IL16: variants seen among roughly 807,000 people sequenced by gnomAD.
IL16 encodes the protein pro-interleukin-16.
A neutral mutation model predicts 110.1 loss-of-function variants in IL16; 67 were observed. That is an observed-to-expected ratio of 0.61 (90% confidence interval 0.50 to 0.75). The LOEUF (loss-of-function observed/expected upper bound fraction) is 0.75, where lower values mean the gene tolerates loss of function less well. Ranked by LOEUF, IL16 falls within the 30% of genes least tolerant of loss-of-function variation. The pLI is 0.00. For synonymous variants in IL16, 689 were observed against 662.9 expected, an observed-to-expected ratio of 1.04 and a Z score of -0.61; for missense variants, 1,545 against 1,655.0, an observed-to-expected ratio of 0.93 and a Z score of 1.15.
intron 1 of IL16, among the ~76,000 whole-genome samples, chr15:81,190,149 A>G (rs1009921807): frequency 3.3e-5 from 5 of 152,146 alleles, no homozygotes; most frequent in African/African-American, 9.7e-5. Context: ...CCCAAACTGA[A>G]CACATGGTTC....
chr15:81,287,265 G>A (rs1468797305), intron 10 of IL16, among the ~76,000 whole-genome samples: 2 of 152,186 alleles, frequency 1.3e-5, no homozygotes, highest in Admixed American at 1.3e-4. Context: ...AGAGAGAAGA[G>A]GAAAAGGTAG....
intron 4 of IL16, among the ~76,000 whole-genome samples, chr15:81,266,836 A>G (rs961457017): frequency 1.3e-5 from 2 of 152,208 alleles, no homozygotes; most frequent in African/African-American, 4.8e-5. Flanking sequence ...TCATCTCACC[A>G]ACTGACTCTC....
At chr15:81,243,163 A>AT (rs1219851899) in intron 2 of IL16, among the ~76,000 whole-genome samples, 1,715 of 15,124 alleles carry the variant, frequency 0.11, 630 homozygotes, top group Non-Finnish European at 0.17. Context: ...ATATATATAT[A>AT]TTTTTTTTTT....
intron 1 of IL16, among the ~76,000 whole-genome samples, chr15:81,201,743 TC>T (rs1895822579): frequency 6.6e-6 from 1 of 152,212 alleles, no homozygotes; most frequent in Non-Finnish European, 1.5e-5. Flanking sequence ...TGTAGAGTAA[TC>T]AGTTTTTACC....
rs1023934142 is a variant in IL16, at chr15:81,269,441, G to T, written c.565-97G>T. On this transcript the variant is annotated intron_variant, in intron 4 of 18. Coordinates refer to ENST00000683961, the MANE Select transcript of IL16 (RefSeq NM_172217.5). Reference sequence around the variant, plus strand: ...CCTGCCCTTAGGAGAAAGAGGACTTGGTTCCTCTCTTTGGCTGGGCTTTTC... The same window carrying T: ...CCTGCCCTTAGGAGAAAGAGGACTTTGTTCCTCTCTTTGGCTGGGCTTTTC... The T allele has an allele frequency of 3.4e-5, 27 of 798,842 alleles. 1 individual carries two copies. In the South Asian group the frequency reaches 3.9e-4, roughly 11 times the overall value. 49.5% of individuals were successfully genotyped at this position (798,842 alleles called of 1,614,324 possible).
At chr15:81,243,900 C>G (rs1005270794) in intron 2 of IL16, among the ~76,000 whole-genome samples, 2 of 152,052 alleles carry the variant, frequency 1.3e-5, no homozygotes, top group Non-Finnish European at 2.9e-5. Flanking sequence ...GTGATAGCTT[C>G]TCTTTTATTT....
At chr15:81,191,902 G>T (rs1043645061), upstream of IL16, among the ~76,000 whole-genome samples, 1 of 152,198 alleles carries the variant, frequency 6.6e-6, no homozygotes, top group Admixed American at 6.5e-5. Context: ...GATAAACAAG[G>T]GTGAGATCAT....
rs1327852858 is a variant in IL16 at position 81,312,348 on chromosome 15, C to T, written c.*3550C>T. The T allele has an allele frequency of 6.6e-6, 1 of 152,248 alleles. No individual in the cohort carries two copies. Among genetic ancestry groups the T allele is most frequent in the African/African-American group, 2.4e-5 (1 of 41,454 alleles). The allele number at this position is 152,248 out of a possible 1,614,324, so 9.4% of individuals were successfully genotyped here. A position where few individuals can be genotyped will look rare whatever the true frequency, so the allele number is the denominator to read the frequency against. ...CCAGCCAGGGCTGCTAGACGGAGGC[C>T]TACTCTTCCATCTTTCCTGATGGCA... On this transcript the variant is annotated 3_prime_UTR_variant, in exon 19 of 19. Coordinates refer to ENST00000683961, the MANE Select transcript of IL16 (RefSeq NM_172217.5).
At chr15:81,218,543 C>G (rs1431777875) in intron 1 of IL16, among the ~76,000 whole-genome samples, 1 of 152,088 alleles carries the variant, frequency 6.6e-6, no homozygotes, top group Non-Finnish European at 1.5e-5. Context: ...TTTGTTCCTG[C>G]AAATAGCAAA....
At chr15:81,276,715 T>C (rs970984442) in intron 6 of IL16, among the ~76,000 whole-genome samples, 1 of 152,164 alleles carries the variant, frequency 6.6e-6, no homozygotes, top group Non-Finnish European at 1.5e-5. Context: ...GAAATTAATA[T>C]GAAAACTAGT....
intron 2 of IL16, among the ~76,000 whole-genome samples, chr15:81,238,717 C>T (rs1008097483): frequency 6.6e-6 from 1 of 151,512 alleles, no homozygotes; most frequent in Non-Finnish European, 1.5e-5. Flanking sequence ...TCATTCTATT[C>T]TTCTTCTTTC....
At chr15:81,224,542 T>C (rs991801341) in intron 1 of IL16, among the ~76,000 whole-genome samples, 6 of 152,208 alleles carry the variant, frequency 3.9e-5, no homozygotes, top group Admixed American at 6.5e-5. Flanking sequence ...GGCCTGACTG[T>C]GACTCTGGCC....
At chr15:81,212,435 G>T (rs1164206694) in intron 1 of IL16, among the ~76,000 whole-genome samples, 5 of 151,830 alleles carry the variant, frequency 3.3e-5, no homozygotes, top group African/African-American at 1.2e-4. Context: ...TGTAAGTCAA[G>T]ATTTTTTTTA....
chr15:81,230,323 T>C (rs1028355582), intron 2 of IL16, among the ~76,000 whole-genome samples: 3 of 152,156 alleles, frequency 2.0e-5, no homozygotes, highest in Non-Finnish European at 4.4e-5. Flanking sequence ...TAAATGCCCT[T>C]TAAGTAGGAT....
intron 3 of IL16, among the ~76,000 whole-genome samples, chr15:81,261,997 T>C (rs1596005625): frequency 6.6e-6 from 1 of 152,052 alleles, no homozygotes; most frequent in Non-Finnish European, 1.5e-5. Flanking sequence ...GCCTGGGAGG[T>C]TGAGGCTGCA....
Position 81,259,911 on chromosome 15 carries a change from C to T in IL16, c.421+31C>T, listed in dbSNP as rs768585069. 3 of 1,341,582 alleles carry T rather than the reference C, an allele frequency of 2.2e-6. No individual in the cohort carries two copies. The Admixed American group carries it at 5.0e-5, about 23-fold the overall frequency. 83.1% of individuals were successfully genotyped at this position (1,341,582 alleles called of 1,614,324 possible). A position where few individuals can be genotyped will look rare whatever the true frequency, so the allele number is the denominator to read the frequency against. On this transcript the variant is annotated intron_variant, in intron 3 of 18. Coordinates refer to ENST00000683961, the MANE Select transcript of IL16 (RefSeq NM_172217.5). ...TGTCTTCCCAACATGTCTTCAGGAA[C>T]AGAGCTCAGCTGTTCCTGGATAGCA...
intron 1 of IL16, among the ~76,000 whole-genome samples, chr15:81,213,584 G>T (rs904455936): frequency 6.6e-6 from 1 of 152,122 alleles, no homozygotes; most frequent in African/African-American, 2.4e-5. Context: ...GTTGGGTGCA[G>T]TATATATTTA....
At chr15:81,263,939 C>T (rs1898264144) in intron 3 of IL16, among the ~76,000 whole-genome samples, 1 of 152,114 alleles carries the variant, frequency 6.6e-6, no homozygotes, top group African/African-American at 2.4e-5. Context: ...AGGAGTAACT[C>T]CAGCAGGGTT....
intron 1 of IL16, among the ~76,000 whole-genome samples, chr15:81,214,410 G>T (rs1421283809): frequency 2.0e-5 from 3 of 152,092 alleles, no homozygotes; most frequent in Admixed American, 6.6e-5. Context: ...GAAATTCTTG[G>T]TTGGAATTTC....
Sources: allele counts gnomAD v4.1 joint callset (sites outside exome capture counted in the v4.1 genomes callset), GRCh38; gene constraint gnomAD v4.1.1; transcripts MANE v1.5; gene names NCBI Gene and HGNC (gene_info 2026-07-23, HGNC 2026-07-21).